The following RBFOX1 variants were observed in gnomAD, a reference collection of about 807,000 sequenced individuals.
RBFOX1 encodes RNA binding fox-1 homolog 1, also known as RNA binding protein fox-1 homolog 1.
A neutral mutation model predicts 57.7 loss-of-function variants in RBFOX1; 8 were observed. The observed-to-expected ratio is 0.14, with a 90% CI of 0.08 to 0.25. The LOEUF is 0.25. Ranked by LOEUF, RBFOX1 falls within the 10% of genes least tolerant of loss-of-function variation. The probability of loss-of-function intolerance (pLI) is 1.00; values close to 1 mark genes in which losing one functional copy is unlikely to be tolerated. For synonymous variants in RBFOX1, 326 were observed against 222.4 expected, an observed-to-expected ratio of 1.47 and a Z score of -4.15; for missense variants, 611 against 548.5, an observed-to-expected ratio of 1.11 and a Z score of -1.14.
At chr16:6,455,854 T>G (rs1444567526) in intron 2 of RBFOX1, among the ~76,000 whole-genome samples, 2 of 152,152 alleles carry the variant, frequency 1.3e-5, no homozygotes, top group Non-Finnish European at 2.9e-5. Context: ...CATGAGATTA[T>G]TAAAAGAAAT....
intron 3 of RBFOX1, among the ~76,000 whole-genome samples, chr16:6,946,527 G>A (rs2079555718): frequency 6.6e-6 from 1 of 152,110 alleles, no homozygotes; most frequent in African/African-American, 2.4e-5. Flanking sequence ...TCCCTACTGT[G>A]TTTTCTAAGA....
chr16:6,644,493 G>A (rs2098517537), intron 2 of RBFOX1, among the ~76,000 whole-genome samples: 1 of 152,172 alleles, frequency 6.6e-6, no homozygotes, highest in Non-Finnish European at 1.5e-5. Flanking sequence ...CTTGTCAGAT[G>A]AACCTTTGAC....
intron 4 of RBFOX1, among the ~76,000 whole-genome samples, chr16:7,125,255 T>C (rs2068205938): frequency 6.6e-6 from 1 of 152,138 alleles, no homozygotes; most frequent in African/African-American, 2.4e-5. Flanking sequence ...TTTGGGGTTG[T>C]CGTTCAGCCT....
At chr16:6,672,393 G>C (rs1283753978) in intron 3 of RBFOX1, among the ~76,000 whole-genome samples, 1 of 148,452 alleles carries the variant, frequency 6.7e-6, no homozygotes, top group Non-Finnish European at 1.5e-5. Flanking sequence ...GAGAAGGAGA[G>C]AGAGAAAAGG....
intron 4 of RBFOX1, among the ~76,000 whole-genome samples, chr16:7,362,745 GGTGTATGTTA>G (rs1188674127): frequency 6.6e-6 from 1 of 151,946 alleles, no homozygotes; most frequent in Non-Finnish European, 1.5e-5. Flanking sequence ...ATATGTTTTG[GGTGTATGTTA>G]GTGTATGTTT....
At chr16:7,439,263 C>G (rs1048727005) in intron 4 of RBFOX1, among the ~76,000 whole-genome samples, 3 of 152,078 alleles carry the variant, frequency 2.0e-5, no homozygotes, top group Non-Finnish European at 4.4e-5. Flanking sequence ...GCCCCAGTGG[C>G]TCTTCTTCAG....
rs891010494 is a variant in RBFOX1, at chr16:7,612,953, C to T, written c.676+5615C>T. ...CCACTTGAACACACATAACTCACTTCCGTGGATGGAGAGCACCCCGCCTGC... is the reference window on the plus strand; with the variant it reads ...CCACTTGAACACACATAACTCACTTTCGTGGATGGAGAGCACCCCGCCTGC... On this transcript the variant is annotated intron_variant, in intron 10 of 15. Coordinates refer to ENST00000550418, the MANE Select transcript of RBFOX1 (RefSeq NM_018723.4). Among the ~76,000 whole-genome samples the T allele has an allele frequency of 9.2e-5, 14 of 152,270 alleles. No individual in the cohort carries two copies. The South Asian group carries it at 2.3e-3, about 25-fold the overall frequency.
chr16:6,597,218 C>G (rs934790866), intron 2 of RBFOX1, among the ~76,000 whole-genome samples: 11 of 152,110 alleles, frequency 7.2e-5, no homozygotes, highest in African/African-American at 2.7e-4. Flanking sequence ...CTCCAGCATC[C>G]AAGGAGGTGG....
intron 1 of RBFOX1, among the ~76,000 whole-genome samples, chr16:6,109,703 A>G (rs1205044214): frequency 6.6e-6 from 1 of 152,204 alleles, no homozygotes; most frequent in Non-Finnish European, 1.5e-5. Context: ...ATAAAAAATT[A>G]CTTGACTGGG....
At chr16:7,106,984 A>AACACACAC (rs61104403) in intron 4 of RBFOX1, among the ~76,000 whole-genome samples, 2 of 148,514 alleles carry the variant, frequency 1.3e-5, no homozygotes, top group African/African-American at 5.0e-5. Context: ...ACACAGTTAA[A>AACACACAC]ACACACACAC....
At position 7,074,194 on chromosome 16, in the gene RBFOX1, G is replaced by C. The variant is rs574577600; in HGVS notation, c.27+22096G>C. Among the ~76,000 whole-genome samples the C allele has an allele frequency of 4.6e-5, 7 of 152,282 alleles. No homozygotes were observed. In the South Asian group the frequency reaches 1.5e-3, roughly 32 times the overall value. Reference sequence around the variant, plus strand: ...GACTACAAGATGACCCAAATGTTAGGATTGAAGTAGACAAGGACTTTGAAA... The same window carrying C: ...GACTACAAGATGACCCAAATGTTAGCATTGAAGTAGACAAGGACTTTGAAA... On this transcript the variant is annotated intron_variant, in intron 4 of 15. Coordinates refer to ENST00000550418, the MANE Select transcript of RBFOX1 (RefSeq NM_018723.4).
chr16:7,595,599 G>C lies in RBFOX1; in HGVS notation c.519G>C (p.Arg173Ser). The change falls in exon 8 of 16, where the codon AGG becomes AGC. Residue 173 changes from arginine (R) to serine (S), a missense_variant. By Grantham distance (110) the Arg-to-Ser change is moderately radical (BLOSUM62 -1). This residue lies in a region of RBFOX1 where 99 missense variants were observed against 160.3 expected (regional missense o/e 0.62). Coordinates refer to ENST00000550418, the MANE Select transcript of RBFOX1 (RefSeq NM_018723.4). ...FENSADADRA[R>S]EKLHGTVVEG... ...ATAGTGCCGATGCGGACAGGGCGAG[G>C]GAGAAATTACACGGCACCGTGGTAG... 1 of 1,572,414 alleles carries C rather than the reference G, an allele frequency of 6.4e-7. No homozygotes were observed. The highest frequency in any genetic ancestry group is 1.8e-5 in the Admixed American group (1 of 56,116).
intron 4 of RBFOX1, among the ~76,000 whole-genome samples, chr16:7,384,018 C>T (rs1363914210): frequency 6.7e-6 from 1 of 149,998 alleles, no homozygotes. Context: ...CGTGCCGTTG[C>T]ACCCCAGCCT....
At chr16:7,123,764 C>T (rs1161853841) in intron 4 of RBFOX1, among the ~76,000 whole-genome samples, 2 of 152,070 alleles carry the variant, frequency 1.3e-5, no homozygotes, top group Non-Finnish European at 2.9e-5. Context: ...TACTTTACAG[C>T]TATAGATTAC....
intron 3 of RBFOX1, among the ~76,000 whole-genome samples, chr16:5,804,735 G>T (rs1468130439): frequency 1.3e-5 from 2 of 152,170 alleles, no homozygotes; most frequent in Non-Finnish European, 2.9e-5. Context: ...GATTTTCTCT[G>T]CAGCAGTGGC....
intron 3 of RBFOX1, among the ~76,000 whole-genome samples, chr16:6,998,554 G>C (rs969709770): frequency 6.6e-6 from 1 of 152,138 alleles, no homozygotes; most frequent in Non-Finnish European, 1.5e-5. Flanking sequence ...ACAGCTGGTT[G>C]TATTGAAGAA....
chr16:6,394,674 A>T (rs2092748040), intron 2 of RBFOX1, among the ~76,000 whole-genome samples: 1 of 151,196 alleles, frequency 6.6e-6, no homozygotes, highest in African/African-American at 2.4e-5. Flanking sequence ...GATATATATG[A>T]TATATTAATG....
At chr16:7,391,189 C>A (rs2098010317) in intron 4 of RBFOX1, among the ~76,000 whole-genome samples, 1 of 152,108 alleles carries the variant, frequency 6.6e-6, no homozygotes, top group Non-Finnish European at 1.5e-5. Context: ...ACGTGACTGG[C>A]CCCACCTCCG....
At chr16:7,091,373 T>G (rs1418286712) in intron 4 of RBFOX1, among the ~76,000 whole-genome samples, 1 of 152,152 alleles carries the variant, frequency 6.6e-6, no homozygotes, top group Non-Finnish European at 1.5e-5. Context: ...AACTTTTTTT[T>G]TTTAGAAATA....
Sources: gnomAD v4.1 joint callset for allele counts (sites outside exome capture counted in the v4.1 genomes callset) on GRCh38, gnomAD v4.1.1 for gene constraint, gnomAD v4.1.1 regional missense constraint, MANE v1.5 for transcripts, NCBI Gene and HGNC (gene_info 2026-07-23, HGNC 2026-07-21) for gene names.